The following INSC variants were observed in gnomAD, a reference collection of about 807,000 sequenced individuals.
INSC encodes the protein INSC spindle orientation adaptor protein.
In INSC, 67 loss-of-function variants were observed where a neutral mutation model predicts 58.6. The observed-to-expected ratio is 1.14, with a 90% CI of 0.94 to 1.40. The LOEUF (loss-of-function observed/expected upper bound fraction) is 1.40. INSC is among the 40% of genes most tolerant of loss of function. The pLI, the probability that INSC is intolerant of heterozygous loss-of-function variation, is 0.00. For missense variants in INSC, 714 were observed against 692.0 expected, an observed-to-expected ratio of 1.03 and a Z score of -0.36; for synonymous variants, 262 against 276.1, an observed-to-expected ratio of 0.95 and a Z score of 0.51.
the INSC span, among the ~76,000 whole-genome samples, chr11:15,253,735 A>G: frequency 1.3e-5 from 2 of 151,984 alleles, no homozygotes; most frequent in Non-Finnish European, 2.9e-5. Context: ...ATTTACAGTT[A>G]AAGCCCATAG....
At chr11:15,267,645 A>G in the INSC span, among the ~76,000 whole-genome samples, 1 of 151,892 alleles carries the variant, frequency 6.6e-6, no homozygotes, top group Admixed American at 6.6e-5. Context: ...CCTTCTTAAC[A>G]TACTCTACCT....
At chr11:15,219,225 G>T (rs1162565656) in intron 7 of INSC, among the ~76,000 whole-genome samples, 1 of 152,108 alleles carries the variant, frequency 6.6e-6, no homozygotes, top group Admixed American at 6.5e-5. Flanking sequence ...TGATGCAGCT[G>T]GTCCACAGAC....
intron 7 of INSC, among the ~76,000 whole-genome samples, chr11:15,210,103 G>C (rs1850962117): frequency 6.6e-6 from 1 of 152,224 alleles, no homozygotes; most frequent in Non-Finnish European, 1.5e-5. Context: ...AGATAAGTCA[G>C]ATGAGTAGAA....
rs531716334 is a variant in INSC at position 15,222,159 on chromosome 11, T to C, written c.991+511T>C. Among the ~76,000 whole-genome samples, 3 of 152,264 alleles carry C rather than the reference T, an allele frequency of 2.0e-5. No homozygotes were observed. In the South Asian group the frequency reaches 6.2e-4, roughly 32 times the overall value. Reference sequence around the variant, plus strand: ...CTTGAAAGCATTGACTCCTCTAGGTTCCCCTATTCAAACATATGTACCCCC... The same window carrying C: ...CTTGAAAGCATTGACTCCTCTAGGTCCCCCTATTCAAACATATGTACCCCC... On this transcript the variant is annotated intron_variant, in intron 8 of 12. Transcript: ENST00000379556.
rs1554907670 is a variant in INSC, at chr11:15,158,860, G to GTATTT, written c.56+9631_56+9632insATTTT. 1.5e-3 allele frequency among the ~76,000 whole-genome samples: 159 copies of GTATTT among 109,652 alleles called. 1 individual carries two copies. The highest frequency in any genetic ancestry group is 3.2e-3 in the South Asian group (10 of 3,112). 71.9% of individuals were successfully genotyped at this position (109,652 alleles called of 152,430 possible). On this transcript the variant is annotated intron_variant, in intron 2 of 12. Transcript: ENST00000379556. Reference sequence around the variant, plus strand: ...ATTATAACCAGATGAATTGTTGGTGGTTTTTTTTTTTTTTTTTTTTTGCCT... The same window carrying GTATTT: ...ATTATAACCAGATGAATTGTTGGTGGTATTTTTTTTTTTTTTTTTTTTTTTTGCCT...
At position 15,234,678 on chromosome 11, in the gene INSC, G is replaced by A. The variant is rs552292848; in HGVS notation, c.1171-924G>A. ...TTCATTTTAATTACCACTTGAGAGC[G>A]CTGTCCATTTCTGTGAAAGTGGGTG... On this transcript the variant is annotated intron_variant, in intron 9 of 12. Coordinates refer to ENST00000379556, the MANE Select transcript of INSC (RefSeq NM_001042536.3). 1.1e-4 allele frequency among the ~76,000 whole-genome samples: 16 copies of A among 152,268 alleles called. No individual in the cohort carries two copies. The South Asian group carries it at 2.1e-3, about 20-fold the overall frequency.
intron 1 of INSC, among the ~76,000 whole-genome samples, chr11:15,127,442 G>A (rs1375548007): frequency 1.3e-5 from 2 of 152,162 alleles, no homozygotes; most frequent in African/African-American, 4.8e-5. Flanking sequence ...AAAAGTCAGA[G>A]GGATTTGGGC....
intron 2 of INSC, among the ~76,000 whole-genome samples, chr11:15,163,630 C>T (rs1236747467): frequency 6.6e-6 from 1 of 152,128 alleles, no homozygotes; most frequent in Admixed American, 6.5e-5. Flanking sequence ...TGCTCTGTCG[C>T]CCAGGCTGAA....
intron 9 of INSC, among the ~76,000 whole-genome samples, chr11:15,227,227 G>T (rs905695931): frequency 6.6e-6 from 1 of 152,206 alleles, no homozygotes; most frequent in Non-Finnish European, 1.5e-5. Flanking sequence ...TTTGAAGAAA[G>T]GAGGTAGTGC....
At chr11:15,176,847 A>G (rs1276128752) in intron 3 of INSC, among the ~76,000 whole-genome samples, 1 of 152,142 alleles carries the variant, frequency 6.6e-6, no homozygotes, top group African/African-American at 2.4e-5. Context: ...ATTCTTCAAA[A>G]CCCAGCTCAA....
intron 2 of INSC, among the ~76,000 whole-genome samples, chr11:15,162,574 A>G (rs1269435564): frequency 1.3e-5 from 2 of 152,080 alleles, no homozygotes; most frequent in South Asian, 2.1e-4. Flanking sequence ...ATTTTTATTT[A>G]TTGTATTTAT....
chr11:15,232,583 G>A (rs1156774057), intron 9 of INSC, among the ~76,000 whole-genome samples: 2 of 152,074 alleles, frequency 1.3e-5, no homozygotes, highest in Non-Finnish European at 2.9e-5. Context: ...TCTTGTGGTA[G>A]GGCCCCCAGG....
chr11:15,136,763 C>T (rs1848254662), intron 1 of INSC, among the ~76,000 whole-genome samples: 1 of 152,168 alleles, frequency 6.6e-6, no homozygotes, highest in Non-Finnish European at 1.5e-5. Flanking sequence ...ACTTCCACCA[C>T]TGAAGTTTTG....
chr11:15,132,797 G>A (rs969281992), intron 1 of INSC, among the ~76,000 whole-genome samples: 1 of 152,116 alleles, frequency 6.6e-6, no homozygotes, highest in African/African-American at 2.4e-5. Flanking sequence ...AATTTCTATG[G>A]ATATGGAATT....
At chr11:15,260,805 G>C in the INSC span, among the ~76,000 whole-genome samples, 1 of 152,216 alleles carries the variant, frequency 6.6e-6, no homozygotes, top group Non-Finnish European at 1.5e-5. Flanking sequence ...GGATGAGAAA[G>C]GTTTTGTGAA....
At chr11:15,163,771 T>G (rs2133791854) in intron 2 of INSC, among the ~76,000 whole-genome samples, 1 of 152,214 alleles carries the variant, frequency 6.6e-6, no homozygotes, top group Non-Finnish European at 1.5e-5. Context: ...TTTTCTGTAT[T>G]TTAGTAGAGA....
Position 15,240,452 on chromosome 11 carries a change from T to A in INSC, c.1399T>A (p.Ser467Thr). ...TCTCCCTGTGTCTCCTACAGGCATGTCCCGTCTCATCGAGCTCTGCAGATC... is the reference window on the plus strand; with the variant it reads ...TCTCCCTGTGTCTCCTACAGGCATGACCCGTCTCATCGAGCTCTGCAGATC... ...AREAVRLSCM[S>T]RLIELCRSPS... The change falls in exon 12 of 13, where the codon TCC (serine) becomes ACC (threonine). Residue 467 changes from serine (S) to threonine (T), a missense_variant. By Grantham distance (58) the Ser-to-Thr change is moderately conservative. Coordinates refer to ENST00000379556, the MANE Select transcript of INSC (RefSeq NM_001042536.3). The A allele has an allele frequency of 6.2e-7, 1 of 1,613,824 alleles. No individual in the cohort carries two copies.
At chr11:15,172,842 G>A (rs797010350) in intron 2 of INSC, among the ~76,000 whole-genome samples, 1 of 151,960 alleles carries the variant, frequency 6.6e-6, no homozygotes, top group Non-Finnish European at 1.5e-5. Context: ...GGAGGCTGGG[G>A]CCATATCACG....
intron 6 of INSC, among the ~76,000 whole-genome samples, chr11:15,191,533 T>C (rs1011238516): frequency 5.9e-5 from 9 of 152,230 alleles, no homozygotes; most frequent in Non-Finnish European, 1.2e-4. Context: ...TGACCTTATA[T>C]GGCTCCCTGA....
Sources: gnomAD v4.1 joint callset for allele counts (sites outside exome capture counted in the v4.1 genomes callset) on GRCh38, gnomAD v4.1.1 for gene constraint, MANE v1.5 for transcripts, NCBI Gene and HGNC (gene_info 2026-07-23, HGNC 2026-07-21) for gene names.